Variants in BARD1 observed in about 807,000 individuals in gnomAD.
The protein encoded by BARD1 is BRCA1 associated RING domain 1.
Under a neutral mutation model 77.0 loss-of-function variants are expected in BARD1, and 73 were observed. The ratio of observed to expected loss-of-function variants is 0.95; its 90% CI spans 0.79 to 1.15. BARD1 has a LOEUF of 1.15. BARD1 is among the 50% of genes most tolerant of loss of function. The probability of loss-of-function intolerance (pLI) is 0.00; values close to 1 mark genes in which losing one functional copy is unlikely to be tolerated. For missense variants in BARD1, 993 were observed against 938.8 expected (o/e 1.06, Z -0.75); for synonymous variants, 384 against 338.0 (o/e 1.14, Z -1.49).
chr2:214,752,359 T>A, intron 7 of BARD1, 88 bp downstream of exon 7: 1 of 1,117,134 alleles, frequency 9.0e-7, no homozygotes, highest in Non-Finnish European at 1.3e-6. Flanking sequence ...TGTAAGCAAT[T>A]GGTCAAATGG....
At chr2:214,777,421 C>T (rs1050151237) in intron 4 of BARD1, among the ~76,000 whole-genome samples, 5 of 152,210 alleles carry the variant, frequency 3.3e-5, no homozygotes, top group Non-Finnish European at 5.9e-5. Context: ...GGAGAACAAA[C>T]TCCTGCTGGG....
chr2:214,803,799 C>T lies in BARD1; in HGVS notation c.158+5613G>A, dbSNP rs911451897. On this transcript the variant is annotated intron_variant, in intron 1 of 10. Transcript: ENST00000260947. ...GTGTCTTTTTCTTTTCCAAGTCTCTCGTTCCACCTTACGAGAAACACCCAC... is the reference window on the plus strand; with the variant it reads ...GTGTCTTTTTCTTTTCCAAGTCTCTTGTTCCACCTTACGAGAAACACCCAC... Among the ~76,000 whole-genome samples, 9 of 152,290 alleles carry T rather than the reference C, an allele frequency of 5.9e-5. No homozygotes were observed. The East Asian group carries it at 9.7e-4, about 16-fold the overall frequency.
intron 3 of BARD1, among the ~76,000 whole-genome samples, chr2:214,782,569 A>C (rs1695090830): frequency 6.6e-6 from 1 of 152,088 alleles, no homozygotes; most frequent in Admixed American, 6.6e-5. Context: ...GGTAGACAGA[A>C]TATACAAAGA....
At chr2:214,805,903 A>G (rs918086398) in intron 1 of BARD1, among the ~76,000 whole-genome samples, 3 of 152,226 alleles carry the variant, frequency 2.0e-5, no homozygotes, top group Non-Finnish European at 2.9e-5. Flanking sequence ...GCCAAGAGGT[A>G]CCTATTAATT....
At chr2:214,745,603 A>G (rs541799770) in intron 8 of BARD1, 119 bp downstream of exon 8, 3 of 1,274,042 alleles carry the variant, frequency 2.4e-6, no homozygotes, top group South Asian at 2.5e-5. Flanking sequence ...TACAAGATGC[A>G]AAGTATACAG....
At position 214,793,911 on chromosome 2, in the gene BARD1, T is replaced by A. The variant is rs554739992; in HGVS notation, c.216-1466A>T. On this transcript the variant is annotated intron_variant, in intron 2 of 10. Coordinates refer to ENST00000260947, the MANE Select transcript of BARD1 (RefSeq NM_000465.4). ...AATTTCATGTAACAGAGTATAAAAA[T>A]TTATTGATATAGTTTCAGATTCCAC... 2.0e-5 allele frequency among the ~76,000 whole-genome samples: 3 copies of A among 152,096 alleles called. No individual in the cohort carries two copies. The South Asian group carries it at 6.2e-4, about 32-fold the overall frequency.
At chr2:214,765,334 T>C (rs1193884076) in intron 6 of BARD1, among the ~76,000 whole-genome samples, 1 of 152,152 alleles carries the variant, frequency 6.6e-6, no homozygotes, top group African/African-American at 2.4e-5. Flanking sequence ...CCTTGTATAT[T>C]AATAAGCCCT....
chr2:214,741,272 G>A (rs1483336025), intron 9 of BARD1, among the ~76,000 whole-genome samples: 1 of 151,934 alleles, frequency 6.6e-6, no homozygotes, highest in African/African-American at 2.4e-5. Context: ...GGGGAAGAGG[G>A]AAAGATTATT....
At chr2:214,770,821 C>G (rs1291625245) in intron 4 of BARD1, among the ~76,000 whole-genome samples, 1 of 152,090 alleles carries the variant, frequency 6.6e-6, no homozygotes, top group Non-Finnish European at 1.5e-5. Context: ...GGTAGTCTGC[C>G]CTCCCACTCT....
Position 214,728,797 on chromosome 2 carries a change from A to T in BARD1, c.2213T>A (p.Ile738Asn). Residue 738 changes from isoleucine to asparagine, a missense_variant, in exon 11 of 11, where the codon ATC becomes AAC. By Grantham distance (149) the Ile-to-Asn change is moderately radical. Transcript: ENST00000260947. Reference sequence around the variant, plus strand: ...GTGATAATTACACAAATCTTCATAGATGATATACTGTGTGCAGAAGCGCTG... The same window carrying T: ...GTGATAATTACACAAATCTTCATAGTTGATATACTGTGTGCAGAAGCGCTG... ...SDQRFCTQYIIYEDLCNYHPE... is the reference protein window; with the variant it reads ...SDQRFCTQYINYEDLCNYHPE... The T allele has an allele frequency of 6.2e-7, 1 of 1,614,210 alleles. No homozygotes were observed. The highest frequency in any genetic ancestry group is 8.5e-7 in the Non-Finnish European group (1 of 1,180,038).
chr2:214,735,432 T>C (rs1692528876), intron 9 of BARD1, among the ~76,000 whole-genome samples: 1 of 152,192 alleles, frequency 6.6e-6, no homozygotes, highest in Non-Finnish European at 1.5e-5. Flanking sequence ...TCTGTACATG[T>C]CTACAAAAGC....
intron 1 of BARD1, among the ~76,000 whole-genome samples, chr2:214,808,774 G>T (rs1004281871): frequency 5.3e-5 from 8 of 152,248 alleles, no homozygotes; most frequent in Non-Finnish European, 1.0e-4. Flanking sequence ...GTGACAGCAT[G>T]AAGGAAAACA....
chr2:214,758,436 G>A lies in BARD1; in HGVS notation c.1569-5881C>T, dbSNP rs924164786. Among the ~76,000 whole-genome samples, 38 of 152,218 alleles carry A rather than the reference G, an allele frequency of 2.5e-4. 1 individual carries two copies. Among genetic ancestry groups the A allele is most frequent in the South Asian group, 6.2e-4 (3 of 4,822 alleles). On this transcript the variant is annotated intron_variant, in intron 6 of 10. Coordinates refer to ENST00000260947, the MANE Select transcript of BARD1 (RefSeq NM_000465.4). The stretch of plus-strand genomic sequence containing the variant: ...GAAGACAGATACAGAATGAAGATAA[G>A]GGCACAAAATAAGTTATGTCTGGAG...
chr2:214,739,310 A>G (rs1275289365), intron 9 of BARD1, among the ~76,000 whole-genome samples: 3 of 152,170 alleles, frequency 2.0e-5, no homozygotes, highest in Non-Finnish European at 4.4e-5. Context: ...GTTCTACTAC[A>G]GTATGTCATT....
chr2:214,784,304 T>C lies in BARD1; in HGVS notation c.365-2795A>G, dbSNP rs551112055. On this transcript the variant is annotated intron_variant, in intron 3 of 10. Coordinates refer to ENST00000260947, the MANE Select transcript of BARD1 (RefSeq NM_000465.4). Reference sequence around the variant, plus strand: ...AAGCTCATCATCATCATTAGACAAATGCAAATCAAAACCACAATGAGATAT... The same window carrying C: ...AAGCTCATCATCATCATTAGACAAACGCAAATCAAAACCACAATGAGATAT... Among the ~76,000 whole-genome samples, 6 of 152,122 alleles carry C rather than the reference T, an allele frequency of 3.9e-5. No homozygotes were observed. The South Asian group carries it at 1.3e-3, about 32-fold the overall frequency.
intron 6 of BARD1, among the ~76,000 whole-genome samples, chr2:214,755,071 G>C (rs77258236): frequency 0.027 from 4,149 of 152,240 alleles, 194 homozygotes; most frequent in African/African-American, 0.094. Context: ...TTTAGTTAGA[G>C]AATTAGTGTG....
intron 7 of BARD1, among the ~76,000 whole-genome samples, chr2:214,750,813 A>C: frequency 6.6e-6 from 1 of 152,056 alleles, no homozygotes; most frequent in East Asian, 1.9e-4. Context: ...CCATTAAAGG[A>C]AACTTCTTAG....
At chr2:214,790,200 G>A (rs531260151) in intron 3 of BARD1, among the ~76,000 whole-genome samples, 47 of 152,028 alleles carry the variant, frequency 3.1e-4, no homozygotes, top group African/African-American at 1.1e-3. Flanking sequence ...AATCCATCAA[G>A]GGTTACCCTG....
At chr2:214,803,098 G>A (rs9973840) in intron 1 of BARD1, among the ~76,000 whole-genome samples, 4,401 of 152,096 alleles carry the variant, frequency 0.029, 200 homozygotes, top group African/African-American at 0.1. Context: ...TGCAAGATGT[G>A]CTTTGTTAAA....
Sources: gnomAD v4.1 joint callset for allele counts (sites outside exome capture counted in the v4.1 genomes callset) on GRCh38, gnomAD v4.1.1 for gene constraint, MANE v1.5 for transcripts, NCBI Gene and HGNC (gene_info 2026-07-23, HGNC 2026-07-21) for gene names.